Variants in CACNB2 observed in about 807,000 individuals in gnomAD.
The protein encoded by CACNB2 is voltage-dependent L-type calcium channel subunit beta-2.
A neutral mutation model predicts 73.3 loss-of-function variants in CACNB2; 42 were observed. The ratio of observed to expected loss-of-function variants is 0.57; its 90% CI spans 0.45 to 0.74. CACNB2 has a LOEUF of 0.74. Among genes scored for constraint, CACNB2 ranks in the 30% least tolerant of loss-of-function variants. The pLI is 0.00. For missense variants in CACNB2, 940 were observed against 853.0 expected (o/e 1.10, Z -1.27); for synonymous variants, 348 against 310.3 (o/e 1.12, Z -1.28).
intron 4 of CACNB2, among the ~76,000 whole-genome samples, chr10:18,500,204 C>T (rs1004845283): frequency 1.3e-4 from 20 of 152,192 alleles, no homozygotes; most frequent in African/African-American, 2.9e-4. Flanking sequence ...TATTCTTCTT[C>T]GACGTGTTCA....
At chr10:18,145,686 T>C (rs577003628) in intron 1 of CACNB2, among the ~76,000 whole-genome samples, 1 of 152,316 alleles carries the variant, frequency 6.6e-6, no homozygotes, top group East Asian at 1.9e-4. Flanking sequence ...CTCTACAATT[T>C]TGTGGCATGT....
intron 10 of CACNB2, among the ~76,000 whole-genome samples, chr10:18,528,178 G>A (rs2052663117): frequency 6.6e-6 from 1 of 152,116 alleles, no homozygotes; most frequent in African/African-American, 2.4e-5. Context: ...TCATTCTCAG[G>A]AGAGTGTAAT....
At chr10:18,229,961 G>C (rs182400205) in intron 2 of CACNB2, among the ~76,000 whole-genome samples, 156 of 152,282 alleles carry the variant, frequency 1.0e-3, no homozygotes, top group Middle Eastern at 0.01. Context: ...AGCAAGCATA[G>C]AGAAATCTTG....
intron 2 of CACNB2, among the ~76,000 whole-genome samples, chr10:18,328,598 A>G (rs966042176): frequency 6.6e-6 from 1 of 152,210 alleles, no homozygotes; most frequent in Non-Finnish European, 1.5e-5. Flanking sequence ...CTAGGGTTCA[A>G]TTCACATCAT....
At chr10:18,220,043 A>G (rs1390135495) in intron 2 of CACNB2, among the ~76,000 whole-genome samples, 1 of 146,160 alleles carries the variant, frequency 6.8e-6, no homozygotes, top group Admixed American at 7.0e-5. Flanking sequence ...CTGGGATTAC[A>G]GGTATGAGCC....
chr10:18,198,455 G>A lies in CACNB2; in HGVS notation c.213+47480G>A, dbSNP rs575675439. Among the ~76,000 whole-genome samples, 87 of 152,222 alleles carry A rather than the reference G, an allele frequency of 5.7e-4. 1 individual carries two copies. The highest frequency in any genetic ancestry group is 2.1e-3 in the African/African-American group (86 of 41,542). ...CACTCTGCAAAGCTTCCTAGTTGGTGCTACTTTTTTGGGCATGCCTTGTTC... is the reference window on the plus strand; with the variant it reads ...CACTCTGCAAAGCTTCCTAGTTGGTACTACTTTTTTGGGCATGCCTTGTTC... On this transcript the variant is annotated intron_variant, in intron 2 of 13. Coordinates refer to ENST00000324631, the MANE Select transcript of CACNB2 (RefSeq NM_201596.3).
chr10:18,479,715 C>T (rs937411519), intron 3 of CACNB2, among the ~76,000 whole-genome samples: 1 of 152,056 alleles, frequency 6.6e-6, no homozygotes, highest in Admixed American at 6.6e-5. Flanking sequence ...CTCGCTCTCT[C>T]GCTCTCACTC....
At chr10:18,205,695 G>T (rs1166339376) in intron 2 of CACNB2, among the ~76,000 whole-genome samples, 1 of 152,146 alleles carries the variant, frequency 6.6e-6, no homozygotes, top group Non-Finnish European at 1.5e-5. Context: ...ATTGGATGGG[G>T]TCCTTGGCCT....
intron 3 of CACNB2, among the ~76,000 whole-genome samples, chr10:18,408,155 T>G (rs2044396855): frequency 6.6e-6 from 1 of 151,802 alleles, no homozygotes; most frequent in African/African-American, 2.4e-5. Context: ...GAGGTGAAAT[T>G]ATTGACTGCC....
intron 3 of CACNB2, among the ~76,000 whole-genome samples, chr10:18,432,637 C>G (rs2045944809): frequency 6.6e-6 from 1 of 152,126 alleles, no homozygotes; most frequent in Non-Finnish European, 1.5e-5. Flanking sequence ...AGTTCCAGAC[C>G]AGCCTGGGCA....
Position 18,146,306 on chromosome 10 carries a change from A to ATTTT in CACNB2, c.121-4559_121-4556dup, listed in dbSNP as rs10714038. Among the ~76,000 whole-genome samples the ATTTT allele has an allele frequency of 3.1e-3, 369 of 118,910 alleles. 11 individuals carry two copies. Among genetic ancestry groups the ATTTT allele is most frequent in the African/African-American group, 0.011 (346 of 30,454 alleles). The allele number at this position is 118,910 out of a possible 152,430, so 78.0% of individuals were successfully genotyped here. On this transcript the variant is annotated intron_variant, in intron 1 of 13. Transcript: ENST00000324631. ...TACGAACTGAGAGAGATGGAGACTA[A>ATTTT]TTTTTTTTTTTTTTTTTTTTTGAGA...
At chr10:18,229,193 C>T (rs1282960934) in intron 2 of CACNB2, among the ~76,000 whole-genome samples, 2 of 152,114 alleles carry the variant, frequency 1.3e-5, no homozygotes, top group Non-Finnish European at 2.9e-5. Context: ...TATTAGTATG[C>T]ATAATATTAG....
intron 3 of CACNB2, among the ~76,000 whole-genome samples, chr10:18,431,182 T>C (rs979830236): frequency 6.6e-6 from 1 of 152,178 alleles, no homozygotes; most frequent in Admixed American, 6.6e-5. Context: ...GGGGTCTCGG[T>C]GTGTTGCACA....
chr10:18,463,577 G>A (rs1241450621), intron 3 of CACNB2, among the ~76,000 whole-genome samples: 1 of 120,772 alleles, frequency 8.3e-6, no homozygotes, highest in Non-Finnish European at 2.0e-5. Context: ...ACAATGCCCT[G>A]CTAGTTGTTT....
intron 2 of CACNB2, among the ~76,000 whole-genome samples, chr10:18,161,377 T>C (rs1029527003): frequency 1.5e-4 from 23 of 152,194 alleles, no homozygotes; most frequent in African/African-American, 5.5e-4. Flanking sequence ...GTGTGATTGT[T>C]TAGACTTCTG....
At chr10:18,353,024 A>C (rs2041773088) in intron 2 of CACNB2, among the ~76,000 whole-genome samples, 1 of 152,216 alleles carries the variant, frequency 6.6e-6, no homozygotes, top group African/African-American at 2.4e-5. Context: ...AGGATAATGA[A>C]AGAAATCTTT....
intron 3 of CACNB2, among the ~76,000 whole-genome samples, chr10:18,485,115 C>T (rs2048990561): frequency 6.6e-6 from 1 of 152,072 alleles, no homozygotes; most frequent in East Asian, 1.9e-4. Context: ...GCACTCAGCC[C>T]TGTGTGACAG....
chr10:18,222,772 A>T (rs546770655), intron 2 of CACNB2, among the ~76,000 whole-genome samples: 2 of 152,142 alleles, frequency 1.3e-5, no homozygotes, highest in East Asian at 3.9e-4. Context: ...CCCTGTCTCT[A>T]CTAAAAATAC....
intron 2 of CACNB2, among the ~76,000 whole-genome samples, chr10:18,335,600 TA>T (rs1388513295): frequency 2.6e-5 from 4 of 152,064 alleles, no homozygotes; most frequent in Non-Finnish European, 5.9e-5. Context: ...AATATATACA[TA>T]TTAAGTCCAT....
Sources: gnomAD v4.1 joint callset for allele counts (sites outside exome capture counted in the v4.1 genomes callset) on GRCh38, gnomAD v4.1.1 for gene constraint, MANE v1.5 for transcripts, NCBI Gene and HGNC (gene_info 2026-07-23, HGNC 2026-07-21) for gene names.